PDE6C: variants seen among roughly 807,000 people sequenced by gnomAD.
PDE6C encodes the protein phosphodiesterase 6C.
Under a neutral mutation model 113.1 loss-of-function variants are expected in PDE6C, and 75 were observed. The observed-to-expected ratio is 0.66, with a 90% CI of 0.55 to 0.80. The LOEUF (loss-of-function observed/expected upper bound fraction) is 0.80, where lower values mean the gene tolerates loss of function less well. PDE6C is among the 30% of genes least tolerant of loss of function. The pLI is 0.00. For synonymous variants in PDE6C, 375 were observed against 363.7 expected, an observed-to-expected ratio of 1.03 and a Z score of -0.35; for missense variants, 912 against 1,038.6, an observed-to-expected ratio of 0.88 and a Z score of 1.67.
At chr10:93,655,881 A>AGAGTATAGGGCATTCCACT in intron 16 of PDE6C, 21 bp downstream of exon 16, 1 of 1,150,422 alleles carries the variant, frequency 8.7e-7, no homozygotes, top group South Asian at 1.2e-5. Flanking sequence ...AACTCTGCAC[A>AGAGTATAGGGCATTCCACT]GTGGAATGCC....
Position 93,659,146 on chromosome 10 carries a change from G to C in PDE6C, c.2187G>C (p.Lys729Asn), listed in dbSNP as rs770966082. Residue 729 changes from lysine (K) to asparagine (N), a missense_variant, in exon 18 of 22, where the codon AAG becomes AAC. Coordinates refer to ENST00000371447, the MANE Select transcript of PDE6C (RefSeq NM_006204.4). ...CATGTGACTTGTCTGCTATTACCAA[G>C]CCCTGGGAGGTGCAAAGTCAGGTGA... ...MTACDLSAIT[K>N]PWEVQSQVAL... 1 of 1,611,026 alleles carries C rather than the reference G, an allele frequency of 6.2e-7. No individual in the cohort carries two copies. The highest frequency in any genetic ancestry group is 1.1e-5 in the South Asian group (1 of 90,918).
At chr10:93,649,785 A>G (rs1280419585) in intron 15 of PDE6C, among the ~76,000 whole-genome samples, 2 of 152,032 alleles carry the variant, frequency 1.3e-5, no homozygotes, top group East Asian at 3.9e-4. Flanking sequence ...TTGTATTTTT[A>G]GTAGAGGCAG....
intron 15 of PDE6C, among the ~76,000 whole-genome samples, chr10:93,653,851 C>T (rs2133873895): frequency 6.6e-6 from 1 of 152,222 alleles, no homozygotes; most frequent in East Asian, 1.9e-4. Flanking sequence ...CTTATATATG[C>T]TTTGTAAAAC....
intron 7 of PDE6C, among the ~76,000 whole-genome samples, chr10:93,628,844 A>G (rs1416117904): frequency 6.6e-6 from 1 of 152,166 alleles, no homozygotes; most frequent in Admixed American, 6.5e-5. Flanking sequence ...CTGCCTCTTA[A>G]CCATCATCTT....
Position 93,634,859 on chromosome 10 carries a change from C to T in PDE6C, c.1221C>T (p.Asn407=). The T allele has an allele frequency of 1.2e-6, 2 of 1,614,040 alleles. No homozygotes were observed. The highest frequency in any genetic ancestry group is 1.7e-6 in the Non-Finnish European group (2 of 1,179,970). Residue 407 remains asparagine (N), a synonymous_variant, in exon 9 of 22, where the codon AAC becomes AAT. Transcript: ENST00000371447. ...TTGTGGGAGTGGCTACATTTTACAA[C>T]AGGAAGGATGGAAAACCTTTCGATG... is the stretch of plus-strand genomic sequence containing the variant. The part of the protein sequence containing the change: ...EDIVGVATFY[N]RKDGKPFDEH...
intron 16 of PDE6C, 101 bp downstream of exon 16, chr10:93,655,961 C>T: frequency 1.3e-6 from 1 of 773,002 alleles, no homozygotes; most frequent in Admixed American, 1.7e-5. Flanking sequence ...TTTATTCACA[C>T]ACATACACAC....
intron 7 of PDE6C, among the ~76,000 whole-genome samples, chr10:93,628,402 T>G (rs1287638063): frequency 6.6e-6 from 1 of 152,124 alleles, no homozygotes; most frequent in Non-Finnish European, 1.5e-5. Flanking sequence ...CTGGCCAACA[T>G]GGTGAAACCT....
Position 93,613,313 on chromosome 10 carries a change from G to T in PDE6C, c.480+108G>T, listed in dbSNP as rs182088410. The T allele has an allele frequency of 1.9e-5, 28 of 1,464,330 alleles. No homozygotes were observed. In the East Asian group the frequency reaches 6.2e-4, roughly 32 times the overall value. 90.7% of individuals were successfully genotyped at this position (1,464,330 alleles called of 1,614,324 possible). A position where few individuals can be genotyped will look rare whatever the true frequency, so the allele number is the denominator to read the frequency against. ...GTGGCATTAGTTTGGCAATAACCGG[G>T]GGAATGTGGGTGGCAGGGAAGAGGA... On this transcript the variant is annotated intron_variant, in intron 1 of 21. Transcript: ENST00000371447.
Position 93,637,021 on chromosome 10 carries a change from T to C in PDE6C, c.1440T>C (p.Asp480=). The stretch of plus-strand genomic sequence containing the variant: ...AATTTCAAGAGAAGTTAAATGTTGA[T>C]GTAATTGACGACTGTGAAGAAAAAC... ...ILKFQEKLNV[D]VIDDCEEKQL... is the part of the protein sequence containing the mutation. Residue 480 remains aspartate, a synonymous_variant, in exon 11 of 22, where the codon GAT becomes GAC. Transcript: ENST00000371447. The C allele has an allele frequency of 6.2e-7, 1 of 1,603,318 alleles. No homozygotes were observed. Among genetic ancestry groups the C allele is most frequent in the Non-Finnish European group, 8.5e-7 (1 of 1,170,432 alleles).
At chr10:93,646,718 A>G (rs1329189240) in intron 15 of PDE6C, among the ~76,000 whole-genome samples, 1 of 152,186 alleles carries the variant, frequency 6.6e-6, no homozygotes, top group East Asian at 1.9e-4. Flanking sequence ...GAATTCACTC[A>G]GTATCATGAC....
At chr10:93,639,941 A>T (rs1259954233) in intron 11 of PDE6C, 129 bp from the exon 12 acceptor site, 8 of 924,196 alleles carry the variant, frequency 8.7e-6, no homozygotes, top group Non-Finnish European at 1.4e-5. Context: ...TGCCTGGCAC[A>T]TGGTGGTTCA....
intron 1 of PDE6C, 51 bp downstream of exon 1, chr10:93,613,256 A>G (rs374935716): frequency 5.0e-6 from 8 of 1,609,762 alleles, no homozygotes; most frequent in Non-Finnish European, 5.9e-6. Context: ...GTCAGGGAGG[A>G]ACAAATGGGA....
chr10:93,640,328 T>C (rs2058553215), intron 12 of PDE6C, 112 bp downstream of exon 12: 1 of 1,283,072 alleles, frequency 7.8e-7, no homozygotes, highest in African/African-American at 1.5e-5. Flanking sequence ...TTATTAACTT[T>C]CTAAATACAT....
chr10:93,646,418 G>C (rs1429230812), intron 15 of PDE6C, among the ~76,000 whole-genome samples: 2 of 152,236 alleles, frequency 1.3e-5, no homozygotes, highest in Non-Finnish European at 2.9e-5. Flanking sequence ...TTAGAGCATG[G>C]TCTATGCCTT....
At chr10:93,653,831 C>T (rs1434474429) in intron 15 of PDE6C, among the ~76,000 whole-genome samples, 2 of 152,072 alleles carry the variant, frequency 1.3e-5, no homozygotes, top group South Asian at 2.1e-4. Context: ...CACAATTTTC[C>T]CTTCTATTAC....
chr10:93,639,375 T>C (rs887904427), intron 11 of PDE6C, among the ~76,000 whole-genome samples: 1 of 152,266 alleles, frequency 6.6e-6, no homozygotes, highest in African/African-American at 2.4e-5. Context: ...TACATATTTT[T>C]ATTTCTCAAG....
rs555367368 is a variant in PDE6C at position 93,641,596 on chromosome 10, A to G, written c.1847+567A>G. On this transcript the variant is annotated intron_variant, in intron 14 of 21. Transcript: ENST00000371447. ...GAGGCAGAGGTTGTAGTGAGCCAAG[A>G]TTGCACTACTGCACTCCAGCTGGAG... is the stretch of plus-strand genomic sequence containing the variant. Among the ~76,000 whole-genome samples the G allele has an allele frequency of 9.9e-5, 15 of 152,154 alleles. No individual in the cohort carries two copies. In the South Asian group the frequency reaches 2.9e-3, roughly 30 times the overall value.
rs756324901 is a variant in PDE6C at position 93,612,936 on chromosome 10, G to T, written c.211G>T (p.Glu71Ter). 6.2e-7 allele frequency: 1 copy of T among 1,614,042 alleles called. No homozygotes were observed. The highest frequency in any genetic ancestry group is 2.2e-5 in the East Asian group (1 of 44,876). ...LCLELLWTVQEEGGTPEQGVH... is the reference protein window; with the variant it reads ...LCLELLWTVQ ...CTTGGAGCTGCTGTGGACCGTGCAG[G>T]AGGAGGGGGGCACCCCAGAGCAGGG... Residue 71 changes from glutamate (E) to a stop codon, truncating the protein, a stop_gained, in exon 1 of 22, where the codon GAG (glutamate) becomes TAG (stop). Transcript: ENST00000371447. LOFTEE classifies it high-confidence loss of function.
chr10:93,647,258 T>G (rs2058589417), intron 15 of PDE6C, among the ~76,000 whole-genome samples: 1 of 152,178 alleles, frequency 6.6e-6, no homozygotes. Context: ...AATCACATGC[T>G]TCATTAGGAT....
Sources: gnomAD v4.1 joint callset for allele counts (sites outside exome capture counted in the v4.1 genomes callset) on GRCh38, gnomAD v4.1.1 for gene constraint, MANE v1.5 for transcripts, NCBI Gene and HGNC (gene_info 2026-07-23, HGNC 2026-07-21) for gene names.